Variants in PACS2 observed in about 807,000 individuals in gnomAD.
PACS2 encodes phosphofurin acidic cluster sorting protein 2.
PACS2 carries 36 observed loss-of-function variants against 113.0 expected under a neutral mutation model. The observed-to-expected ratio is 0.32, with a 90% CI of 0.24 to 0.42. PACS2 has a LOEUF of 0.42. Ranked by LOEUF, PACS2 falls within the 10% of genes least tolerant of loss-of-function variation. The pLI, the probability that PACS2 is intolerant of heterozygous loss-of-function variation, is 1.00. For synonymous variants in PACS2, 589 were observed against 536.1 expected, an observed-to-expected ratio of 1.10 and a Z score of -1.36; for missense variants, 1,015 against 1,239.5, an observed-to-expected ratio of 0.82 and a Z score of 2.72.
At chr14:105,350,427 C>T (rs2060125274) in intron 2 of PACS2, among the ~76,000 whole-genome samples, 1 of 152,220 alleles carries the variant, frequency 6.6e-6, no homozygotes, top group Non-Finnish European at 1.5e-5. Context: ...GGTCCTGCCC[C>T]AGCCTGTGTC....
chr14:105,305,395 C>G (rs985520921), intron 1 of PACS2, among the ~76,000 whole-genome samples: 1 of 151,982 alleles, frequency 6.6e-6, no homozygotes, highest in African/African-American at 2.4e-5. Flanking sequence ...GATTGAGAAC[C>G]TGTCTCAAAG....
chr14:105,339,560 G>T (rs587660345), intron 1 of PACS2, among the ~76,000 whole-genome samples: 1 of 151,832 alleles, frequency 6.6e-6, no homozygotes, highest in Non-Finnish European at 1.5e-5. Context: ...GCCAGGTGTG[G>T]TGGCTCATGC....
At chr14:105,326,056 ATTTC>A (rs1282576902) in intron 1 of PACS2, among the ~76,000 whole-genome samples, 1 of 152,222 alleles carries the variant, frequency 6.6e-6, no homozygotes, top group Non-Finnish European at 1.5e-5. Flanking sequence ...CATTGACAAT[ATTTC>A]TTTATTGTAT....
At position 105,317,356 on chromosome 14, in the gene PACS2, C is replaced by T. The variant is rs587632646; in HGVS notation, c.119+2319C>T. On this transcript the variant is annotated intron_variant, in intron 1 of 24. Coordinates refer to ENST00000447393, the MANE Select transcript of PACS2 (RefSeq NM_001100913.3). This position sits in a 1 kb window ranked among gnomAD's most constrained non-coding sequence, Gnocchi z 4.2. ...GCCTGTCTTAAGCATGTACCGCCAG[C>T]TACCAGGATTTATGGTGGGGGTGTG... Among the ~76,000 whole-genome samples, 100 of 152,320 alleles carry T rather than the reference C, an allele frequency of 6.6e-4. No individual in the cohort carries two copies. The highest frequency in any genetic ancestry group is 2.4e-3 in the African/African-American group (100 of 41,572).
chr14:105,349,889 C>T (rs2060095988), intron 2 of PACS2, among the ~76,000 whole-genome samples: 1 of 146,226 alleles, frequency 6.8e-6, no homozygotes, highest in African/African-American at 2.7e-5. Flanking sequence ...TGGCTAATAG[C>T]AGGACCCCGA....
At chr14:105,337,496 A>G (rs587691158) in intron 1 of PACS2, among the ~76,000 whole-genome samples, 41 of 152,356 alleles carry the variant, frequency 2.7e-4, no homozygotes, top group Middle Eastern at 6.8e-3. Context: ...GTTCTCCAAA[A>G]TAAGGCTGTC....
chr14:105,354,775 C>A lies in PACS2; in HGVS notation c.298-277C>A, dbSNP rs1200275519. On this transcript the variant is annotated intron_variant, in intron 3 of 24. Transcript: ENST00000447393. This position sits in a 1 kb window ranked among gnomAD's most constrained non-coding sequence, Gnocchi z 4.2. ...CATCCCGGACACTGCAGCACATAGTCCTTGTCCACCTGCCATGGCTGTTAG... is the reference window on the plus strand; with the variant it reads ...CATCCCGGACACTGCAGCACATAGTACTTGTCCACCTGCCATGGCTGTTAG... Among the ~76,000 whole-genome samples the A allele has an allele frequency of 2.0e-5, 3 of 152,382 alleles. No homozygotes were observed. The highest frequency in any genetic ancestry group is 7.2e-5 in the African/African-American group (3 of 41,598).
At chr14:105,382,708 C>A in intron 14 of PACS2, 99 bp from the exon 15 acceptor site, 1 of 943,524 alleles carries the variant, frequency 1.1e-6, no homozygotes. Context: ...CTGGACGTGC[C>A]TGGGGTCTCT....
chr14:105,340,004 C>T lies in PACS2; in HGVS notation c.120-8489C>T, dbSNP rs1392346996. Among the ~76,000 whole-genome samples, 1 of 152,224 alleles carries T rather than the reference C, an allele frequency of 6.6e-6. No homozygotes were observed. Among genetic ancestry groups the T allele is most frequent in the East Asian group, 1.9e-4 (1 of 5,206 alleles). On this transcript the variant is annotated intron_variant, in intron 1 of 24. Transcript: ENST00000447393. This position sits in a 1 kb window ranked among gnomAD's most constrained non-coding sequence, Gnocchi z 4.2. ...ATGTTGCCCAGGCTGGTCTTGAGCT[C>T]CTGGGCTCAGGTGATCCACCTGCCT...
At chr14:105,382,990 C>T in intron 15 of PACS2, 77 bp downstream of exon 15, 2 of 872,122 alleles carry the variant, frequency 2.3e-6, no homozygotes, top group South Asian at 1.4e-5. Flanking sequence ...GCCCATTGCT[C>T]CGGGGCTAGG....
intron 19 of PACS2, chr14:105,389,032 T>G (rs2081271128): frequency 6.6e-6 from 1 of 152,394 alleles, no homozygotes; most frequent in Non-Finnish European, 1.5e-5. Context: ...CATGCTGTGC[T>G]GGCCCCTTGT....
chr14:105,393,885 C>G (rs1397156741), intron 24 of PACS2, among the ~76,000 whole-genome samples: 3 of 152,018 alleles, frequency 2.0e-5, no homozygotes, highest in African/African-American at 7.3e-5. Flanking sequence ...GCCACCGCAC[C>G]TGGCCTAAAA....
intron 5 of PACS2, 68 bp downstream of exon 5, chr14:105,367,443 CG>C: frequency 6.7e-7 from 1 of 1,494,872 alleles, no homozygotes; most frequent in East Asian, 2.3e-5. Flanking sequence ...CATGGCACAT[CG>C]GGTGGCAGAA....
chr14:105,357,679 C>G lies in PACS2; in HGVS notation c.423+2502C>G, dbSNP rs782292978. Among the ~76,000 whole-genome samples the G allele has an allele frequency of 1.3e-5, 2 of 152,148 alleles. No homozygotes were observed. The highest frequency in any genetic ancestry group is 1.5e-5 in the Non-Finnish European group (1 of 68,032). On this transcript the variant is annotated intron_variant, in intron 4 of 24. Coordinates refer to ENST00000447393, the MANE Select transcript of PACS2 (RefSeq NM_001100913.3). The surrounding 1 kb of genome is among the most constrained non-coding windows in gnomAD (Gnocchi z 5.1). ...GGAGATTGCGGAGGCGGGACAGCCCCGAGGGCACAGACGGACACAGGTGGC... is the reference window on the plus strand; with the variant it reads ...GGAGATTGCGGAGGCGGGACAGCCCGGAGGGCACAGACGGACACAGGTGGC...
At chr14:105,313,780 G>A (rs997850651), upstream of PACS2, among the ~76,000 whole-genome samples, 1 of 152,276 alleles carries the variant, frequency 6.6e-6, no homozygotes, top group African/African-American at 2.4e-5. Context: ...AGAGAGGCCA[G>A]AAAACCGTTT....
chr14:105,392,018 G>A (rs782612534), intron 22 of PACS2: 2 of 537,110 alleles, frequency 3.7e-6, no homozygotes, highest in Admixed American at 3.7e-5. Context: ...GTGCTGGGCT[G>A]TCTCTCAGCT....
At position 105,329,654 on chromosome 14, in the gene PACS2, G is replaced by A. The variant is rs12100473; in HGVS notation, c.119+14617G>A. On this transcript the variant is annotated intron_variant, in intron 1 of 24. Coordinates refer to ENST00000447393, the MANE Select transcript of PACS2 (RefSeq NM_001100913.3). The surrounding 1 kb of genome is among the most constrained non-coding windows in gnomAD (Gnocchi z 6.4). ...GGGGCTTCTCACGATGGCTCAGGGAGGTCCAGACAGCCCCCTTGTCTAGGT... is the reference window on the plus strand; with the variant it reads ...GGGGCTTCTCACGATGGCTCAGGGAAGTCCAGACAGCCCCCTTGTCTAGGT... Among the ~76,000 whole-genome samples the A allele has an allele frequency of 2.4e-3, 359 of 152,314 alleles. 2 individuals are homozygous for A. The highest frequency in any genetic ancestry group is 8.3e-3 in the African/African-American group (343 of 41,566).
Position 105,358,588 on chromosome 14 carries a change from C to T in PACS2, c.423+3411C>T, listed in dbSNP as rs1555405752. On this transcript the variant is annotated intron_variant, in intron 4 of 24. Coordinates refer to ENST00000447393, the MANE Select transcript of PACS2 (RefSeq NM_001100913.3). The surrounding 1 kb of genome is among the most constrained non-coding windows in gnomAD (Gnocchi z 4.9). ...TGGTGGCCATTGTCTGAGGCTGGGGCCTGTGGGCTCCCCGACAAGACAGGA... is the reference window on the plus strand; with the variant it reads ...TGGTGGCCATTGTCTGAGGCTGGGGTCTGTGGGCTCCCCGACAAGACAGGA... 6.6e-6 allele frequency among the ~76,000 whole-genome samples: 1 copy of T among 152,198 alleles called. No individual in the cohort carries two copies. Among genetic ancestry groups the T allele is most frequent in the African/African-American group, 2.4e-5 (1 of 41,440 alleles).
At chr14:105,321,699 A>G (rs747563152) in intron 1 of PACS2, among the ~76,000 whole-genome samples, 28 of 151,228 alleles carry the variant, frequency 1.9e-4, no homozygotes, top group Middle Eastern at 3.2e-3. Context: ...TATTAGGTAC[A>G]TACATGTTTA....
Sources: gnomAD v4.1 joint callset for allele counts (sites outside exome capture counted in the v4.1 genomes callset) on GRCh38, gnomAD v4.1.1 for gene constraint, Gnocchi (gnomAD v3.1) non-coding constraint, MANE v1.5 for transcripts, NCBI Gene and HGNC (gene_info 2026-07-23, HGNC 2026-07-21) for gene names.